SLC30A8: variants seen among roughly 807,000 people sequenced by gnomAD.
SLC30A8 encodes solute carrier family 30 member 8.
SLC30A8 carries 27 observed loss-of-function variants against 36.9 expected under a neutral mutation model. The ratio of observed to expected loss-of-function variants is 0.73; its 90% CI spans 0.54 to 1.01. The LOEUF (loss-of-function observed/expected upper bound fraction) is 1.01. Among genes scored for constraint, SLC30A8 ranks in the 50% least tolerant of loss-of-function variants. The pLI is 0.00. For synonymous variants in SLC30A8, 164 were observed against 172.4 expected (o/e 0.95, Z 0.38); for missense variants, 439 against 452.0 (o/e 0.97, Z 0.26).
chr8:117,007,183 A>G (rs1293028535), intron 1 of SLC30A8: 1 of 151,552 alleles, frequency 6.6e-6, no homozygotes, highest in Non-Finnish European at 1.5e-5. Flanking sequence ...TGAAAAATGT[A>G]CCTATAGGTA....
chr8:116,964,813 A>T (rs1814544246), intron 1 of SLC30A8, among the ~76,000 whole-genome samples: 1 of 152,206 alleles, frequency 6.6e-6, no homozygotes, highest in Admixed American at 6.5e-5. Flanking sequence ...ACATACCCTG[A>T]CTCAGTAAAC....
At chr8:116,989,794 A>G (rs933804915) in intron 1 of SLC30A8, among the ~76,000 whole-genome samples, 1 of 152,238 alleles carries the variant, frequency 6.6e-6, no homozygotes, top group African/African-American at 2.4e-5. Context: ...CTGGAAATGT[A>G]TCATGGGAAA....
At chr8:117,041,372 T>G (rs932176580) in intron 2 of SLC30A8, among the ~76,000 whole-genome samples, 10 of 152,130 alleles carry the variant, frequency 6.6e-5, no homozygotes, top group African/African-American at 2.4e-4. Context: ...ATGTGACAGA[T>G]TCTAGAATTT....
Position 117,174,153 on chromosome 8 carries a change from G to A in SLC30A8, c.*1472G>A, listed in dbSNP as rs1381078058. On this transcript the variant is annotated 3_prime_UTR_variant, in exon 8 of 8. Coordinates refer to ENST00000456015, the MANE Select transcript of SLC30A8 (RefSeq NM_173851.3). ...TTGCAACTTTATGGTTATGAGTATT[G>A]TAGAGAACAGGAGATAGGTCTTAGA... The A allele has an allele frequency of 1.6e-4, 24 of 152,122 alleles. No homozygotes were observed. Among genetic ancestry groups the A allele is most frequent in the Admixed American group, 1.6e-3 (24 of 15,258 alleles). 9.4% of individuals were successfully genotyped at this position (152,122 alleles called of 1,614,324 possible).
chr8:117,153,215 G>T (rs1822284844), intron 3 of SLC30A8, 125 bp downstream of exon 3: 2 of 937,190 alleles, frequency 2.1e-6, no homozygotes, highest in African/African-American at 1.6e-5. Context: ...TGATGCACAG[G>T]ATAAAACAAA....
intron 1 of SLC30A8, among the ~76,000 whole-genome samples, chr8:117,027,748 T>C (rs903446142): frequency 2.0e-5 from 3 of 152,174 alleles, no homozygotes. Context: ...TTTCTTCATT[T>C]CTGAATAGGT....
At position 117,158,280 on chromosome 8, in the gene SLC30A8, C is replaced by A. The variant is rs536729922; in HGVS notation, c.572+436C>A. On this transcript the variant is annotated intron_variant, in intron 4 of 7. Coordinates refer to ENST00000456015, the MANE Select transcript of SLC30A8 (RefSeq NM_173851.3). Reference sequence around the variant, plus strand: ...GGCATGCTGATGGTTCCACATGGGGCATGACTTACTACTGTTCCATTTCTA... The same window carrying A: ...GGCATGCTGATGGTTCCACATGGGGAATGACTTACTACTGTTCCATTTCTA... Among the ~76,000 whole-genome samples, 104 of 152,158 alleles carry A rather than the reference C, an allele frequency of 6.8e-4. 2 individuals are homozygous for A. The highest frequency in any genetic ancestry group is 2.8e-4 in the Non-Finnish European group (19 of 68,036).
At chr8:116,961,950 T>G (rs1485463153) in intron 1 of SLC30A8, among the ~76,000 whole-genome samples, 1 of 151,912 alleles carries the variant, frequency 6.6e-6, no homozygotes, top group Non-Finnish European at 1.5e-5. Context: ...CCAACACCGT[T>G]GCATTAGGGA....
chr8:117,043,700 A>G (rs1817460330), intron 2 of SLC30A8, among the ~76,000 whole-genome samples: 1 of 152,232 alleles, frequency 6.6e-6, no homozygotes, highest in African/African-American at 2.4e-5. Context: ...AGATTTGTGC[A>G]ATTCTCAACA....
upstream of SLC30A8, among the ~76,000 whole-genome samples, chr8:117,130,597 G>A (rs1032527976): frequency 1.3e-5 from 2 of 151,706 alleles, no homozygotes; most frequent in African/African-American, 2.4e-5. Flanking sequence ...ATAGACCAAG[G>A]GGTTGGAATA....
chr8:117,056,374 G>T (rs1268790175), intron 2 of SLC30A8, among the ~76,000 whole-genome samples: 1 of 152,074 alleles, frequency 6.6e-6, no homozygotes, highest in Non-Finnish European at 1.5e-5. Flanking sequence ...AGGAGGAAAG[G>T]CTTCTGGCCA....
chr8:117,130,682 T>C (rs1341432991), upstream of SLC30A8, among the ~76,000 whole-genome samples: 1 of 152,024 alleles, frequency 6.6e-6, no homozygotes, highest in Non-Finnish European at 1.5e-5. Context: ...AATCCTCTCT[T>C]GCCTTTTTAT....
At chr8:117,016,900 T>G (rs938303736) in intron 1 of SLC30A8, among the ~76,000 whole-genome samples, 9 of 152,246 alleles carry the variant, frequency 5.9e-5, no homozygotes, top group Admixed American at 4.6e-4. Flanking sequence ...ATATTTCTAA[T>G]TCACGTTATG....
intron 1 of SLC30A8, among the ~76,000 whole-genome samples, chr8:116,997,143 G>A (rs1413912562): frequency 6.6e-6 from 1 of 152,126 alleles, no homozygotes; most frequent in Non-Finnish European, 1.5e-5. Flanking sequence ...GCAAGAGGCA[G>A]AAGACGAAGG....
intron 2 of SLC30A8, among the ~76,000 whole-genome samples, chr8:117,045,764 T>C (rs946773157): frequency 6.6e-6 from 1 of 152,152 alleles, no homozygotes; most frequent in African/African-American, 2.4e-5. Flanking sequence ...TAAACATCCA[T>C]GTGACAAGCC....
intron 2 of SLC30A8, among the ~76,000 whole-genome samples, chr8:117,150,728 C>T (rs1822143230): frequency 1.3e-5 from 2 of 152,124 alleles, no homozygotes; most frequent in South Asian, 2.1e-4. Context: ...GCCTCAGCCT[C>T]CCGAGTAGCT....
At chr8:117,103,134 C>T (rs541146135) in intron 2 of SLC30A8, among the ~76,000 whole-genome samples, 8 of 151,992 alleles carry the variant, frequency 5.3e-5, no homozygotes, top group Middle Eastern at 3.4e-3. Flanking sequence ...GGGTCCATCC[C>T]GAAGTAAAAT....
At chr8:117,101,468 A>G (rs1819718341) in intron 2 of SLC30A8, among the ~76,000 whole-genome samples, 1 of 152,178 alleles carries the variant, frequency 6.6e-6, no homozygotes, top group African/African-American at 2.4e-5. Context: ...GCCACTGAAG[A>G]CACTGGAAAA....
At chr8:117,139,829 C>T (rs564149581) in intron 1 of SLC30A8, among the ~76,000 whole-genome samples, 63 of 143,734 alleles carry the variant, frequency 4.4e-4, no homozygotes, top group Admixed American at 5.7e-4. Context: ...ACAGAGGCTG[C>T]GCATGCAGGG....
Sources: gnomAD v4.1 joint callset for allele counts (sites outside exome capture counted in the v4.1 genomes callset) on GRCh38, gnomAD v4.1.1 for gene constraint, MANE v1.5 for transcripts, NCBI Gene and HGNC (gene_info 2026-07-23, HGNC 2026-07-21) for gene names.